Variants in ADAM18 observed in about 807,000 individuals in gnomAD.
The protein encoded by ADAM18 is ADAM metallopeptidase domain 18.
A neutral mutation model predicts 94.4 loss-of-function variants in ADAM18; 117 were observed. The ratio of observed to expected loss-of-function variants is 1.24; its 90% CI spans 1.07 to 1.45. The LOEUF (loss-of-function observed/expected upper bound fraction) is 1.45. ADAM18 is among the 40% of genes most tolerant of loss of function. ADAM18 has a pLI of 0.00. For missense variants in ADAM18, 936 were observed against 880.0 expected (o/e 1.06, Z -0.81); for synonymous variants, 327 against 291.6 (o/e 1.12, Z -1.24).
At chr8:39,729,826 G>T in intron 19 of ADAM18, 72 bp from the exon 20 acceptor site, 2 of 1,271,362 alleles carry the variant, frequency 1.6e-6, no homozygotes, top group Admixed American at 1.8e-5. Flanking sequence ...AGTAAATATG[G>T]TTTAAAATAG....
At chr8:39,636,485 T>A (rs1195829962) in intron 7 of ADAM18, among the ~76,000 whole-genome samples, 5 of 152,184 alleles carry the variant, frequency 3.3e-5, no homozygotes, top group African/African-American at 1.2e-4. Flanking sequence ...TCATACTTTA[T>A]TATCATCCTT....
intron 2 of ADAM18, among the ~76,000 whole-genome samples, chr8:39,596,156 T>G (rs1339004978): frequency 6.6e-6 from 1 of 152,230 alleles, no homozygotes; most frequent in African/African-American, 2.4e-5. Context: ...CTATCAGATC[T>G]CAGATGTTTG....
intron 2 of ADAM18, among the ~76,000 whole-genome samples, chr8:39,596,802 A>T (rs1818753432): frequency 6.6e-6 from 1 of 152,232 alleles, no homozygotes; most frequent in Non-Finnish European, 1.5e-5. Flanking sequence ...ACGAAGAATA[A>T]GAGTTCCTGT....
At chr8:39,626,503 A>G (rs1819771941) in intron 6 of ADAM18, among the ~76,000 whole-genome samples, 1 of 151,692 alleles carries the variant, frequency 6.6e-6, no homozygotes, top group African/African-American at 2.4e-5. Context: ...TAAATTGTCA[A>G]TTTGTGGTCT....
intron 17 of ADAM18, among the ~76,000 whole-genome samples, chr8:39,699,929 T>C (rs986343263): frequency 1.3e-5 from 2 of 152,098 alleles, no homozygotes; most frequent in African/African-American, 4.8e-5. Context: ...TTTTCAGAAA[T>C]TGGTTGTAGA....
rs193043432 is a variant in ADAM18, at chr8:39,613,682, T to A, written c.522+2976T>A. On this transcript the variant is annotated intron_variant, in intron 6 of 19. Transcript: ENST00000265707. ...AGAATCTGGATGGCAATAAAGATCA[T>A]CAAGATTTAGGAGAAAGTTGAAACC... Among the ~76,000 whole-genome samples the A allele has an allele frequency of 6.7e-3, 1,015 of 152,184 alleles. 7 individuals are homozygous for A. The highest frequency in any genetic ancestry group is 0.01 in the Non-Finnish European group (696 of 67,990).
At chr8:39,596,258 T>G (rs1818738396) in intron 2 of ADAM18, among the ~76,000 whole-genome samples, 1 of 152,188 alleles carries the variant, frequency 6.6e-6, no homozygotes, top group South Asian at 2.1e-4. Context: ...AACAAATGTA[T>G]AATGACATGT....
chr8:39,584,947 G>C (rs1217447105), intron 1 of ADAM18, among the ~76,000 whole-genome samples: 1 of 152,190 alleles, frequency 6.6e-6, no homozygotes, highest in East Asian at 1.9e-4. Context: ...CTCTGTGAAG[G>C]AGGGTGGAGG....
In ADAM18 at chr8:39,692,647, C is replaced by A; in HGVS notation, c.1869C>A (p.Asn623Lys). The A allele has an allele frequency of 6.2e-7, 1 of 1,606,978 alleles. No homozygotes were observed. The highest frequency in any genetic ancestry group is 8.5e-7 in the Non-Finnish European group (1 of 1,175,916). The change falls in exon 17 of 20, where the codon AAC (asparagine) becomes AAA (lysine). Residue 623 changes from asparagine to lysine, a missense_variant. Coordinates refer to ENST00000265707, the MANE Select transcript of ADAM18 (RefSeq NM_014237.3). ...TCRKVHLMGY[N>K]CNATTKCKGK... ...GAAAAGTTCATTTAATGGGATATAA[C>A]TGTAATGCCACCACAAAATGCAAAG...
intron 2 of ADAM18, among the ~76,000 whole-genome samples, chr8:39,592,969 C>CAATT (rs1818621211): frequency 6.6e-6 from 1 of 152,164 alleles, no homozygotes; most frequent in Non-Finnish European, 1.5e-5. Context: ...CGGTCTTCAT[C>CAATT]AATTATCTTA....
In ADAM18 at chr8:39,604,047, A is replaced by G. The variant is rs1563270793; in HGVS notation, c.133-2260A>G. ...TATCATCTATAATTGATTCATTTTT[A>G]TGATTTTCTGTCTTTTCTTCAGTAA... On this transcript the variant is annotated intron_variant, in intron 2 of 19. Transcript: ENST00000265707. 2.6e-5 allele frequency among the ~76,000 whole-genome samples: 4 copies of G among 152,308 alleles called. No homozygotes were observed. The South Asian group carries it at 8.3e-4, about 32-fold the overall frequency.
chr8:39,649,023 C>T (rs1220827862), intron 12 of ADAM18, among the ~76,000 whole-genome samples: 2 of 151,862 alleles, frequency 1.3e-5, no homozygotes, highest in African/African-American at 4.8e-5. Flanking sequence ...TGTATATACC[C>T]GATTATAATT....
chr8:39,623,347 T>C (rs61391933), intron 6 of ADAM18, among the ~76,000 whole-genome samples: 1 of 152,102 alleles, frequency 6.6e-6, no homozygotes, highest in Non-Finnish European at 1.5e-5. Flanking sequence ...ATTTCTTTTT[T>C]GGGGGATAAT....
At chr8:39,618,863 G>A (rs1192858515) in intron 6 of ADAM18, among the ~76,000 whole-genome samples, 2 of 152,154 alleles carry the variant, frequency 1.3e-5, no homozygotes, top group Admixed American at 6.5e-5. Context: ...GCTCTCTGCA[G>A]GGGGAAGCAC....
rs916979726 is a variant in ADAM18, at chr8:39,652,448, A to G, written c.1230+3921A>G. On this transcript the variant is annotated intron_variant, in intron 12 of 19. Coordinates refer to ENST00000265707, the MANE Select transcript of ADAM18 (RefSeq NM_014237.3). Reference sequence around the variant, plus strand: ...ACAACAGGTATATGAAAATATGCTCAAAATCACTAATAATCACAGTAATTC... The same window carrying G: ...ACAACAGGTATATGAAAATATGCTCGAAATCACTAATAATCACAGTAATTC... 2.0e-5 allele frequency among the ~76,000 whole-genome samples: 3 copies of G among 152,216 alleles called. No homozygotes were observed. In the East Asian group the frequency reaches 5.8e-4, roughly 29 times the overall value.
intron 7 of ADAM18, among the ~76,000 whole-genome samples, chr8:39,631,339 G>A (rs894754418): frequency 2.6e-5 from 4 of 151,682 alleles, no homozygotes; most frequent in Admixed American, 1.3e-4. Flanking sequence ...TTTAAAATAA[G>A]TTTTATGGTA....
At chr8:39,650,076 A>C (rs1472285669) in intron 12 of ADAM18, among the ~76,000 whole-genome samples, 1 of 152,204 alleles carries the variant, frequency 6.6e-6, no homozygotes, top group Non-Finnish European at 1.5e-5. Flanking sequence ...GTTAATCAAA[A>C]GGGAATTTAT....
intron 16 of ADAM18, among the ~76,000 whole-genome samples, chr8:39,682,335 G>A (rs542051739): frequency 1.4e-4 from 21 of 152,258 alleles, no homozygotes; most frequent in African/African-American, 4.1e-4. Flanking sequence ...AGAGATTCAC[G>A]GGAGGTTCAC....
At position 39,638,505 on chromosome 8, in the gene ADAM18, G is replaced by A. The variant is rs749433808; in HGVS notation, c.868G>A (p.Gly290Ser). 6.4e-6 allele frequency: 10 copies of A among 1,570,742 alleles called. No homozygotes were observed. Among genetic ancestry groups the A allele is most frequent in the Non-Finnish European group, 8.6e-6 (10 of 1,157,048 alleles). ...HPKYVGATFP[G>S]TVCNKSYDAG... is the part of the protein sequence containing the mutation. The stretch of plus-strand genomic sequence containing the variant: ...TAAATATGTGGGAGCAACATTTCCT[G>A]GCACTGTATGCAATAAAAGCTATGA... Residue 290 changes from glycine (G) to serine (S), a missense_variant, in exon 10 of 20, where the codon GGC becomes AGC. Transcript: ENST00000265707.
Sources: gnomAD v4.1 joint callset for allele counts (sites outside exome capture counted in the v4.1 genomes callset) on GRCh38, gnomAD v4.1.1 for gene constraint, MANE v1.5 for transcripts, NCBI Gene and HGNC (gene_info 2026-07-23, HGNC 2026-07-21) for gene names.